Variants in KCNIP4 observed in about 807,000 individuals in gnomAD.
KCNIP4 encodes potassium voltage-gated channel interacting protein 4.
KCNIP4 carries 12 observed loss-of-function variants against 34.0 expected under a neutral mutation model. That is an observed-to-expected ratio of 0.35 (90% CI 0.23 to 0.57). The LOEUF (loss-of-function observed/expected upper bound fraction) is 0.57, where lower values mean the gene tolerates loss of function less well. Among genes scored for constraint, KCNIP4 ranks in the 20% least tolerant of loss-of-function variants. The pLI is 0.83. For synonymous variants in KCNIP4, 124 were observed against 102.2 expected, an observed-to-expected ratio of 1.21 and a Z score of -1.29; for missense variants, 238 against 311.7, an observed-to-expected ratio of 0.76 and a Z score of 1.78.
At chr4:21,042,607 G>T (rs1742066204) in intron 1 of KCNIP4, among the ~76,000 whole-genome samples, 1 of 152,132 alleles carries the variant, frequency 6.6e-6, no homozygotes, top group Admixed American at 6.5e-5. Flanking sequence ...AATAAGTTCT[G>T]GTCGTCTATT....
intron 1 of KCNIP4, among the ~76,000 whole-genome samples, chr4:21,536,858 G>A (rs1737218681): frequency 6.6e-6 from 1 of 151,900 alleles, no homozygotes; most frequent in African/African-American, 2.4e-5. Flanking sequence ...AAAACGAACA[G>A]TGGATAATTA....
chr4:21,652,132 G>A (rs1201355264), intron 1 of KCNIP4, among the ~76,000 whole-genome samples: 1 of 152,038 alleles, frequency 6.6e-6, no homozygotes, highest in East Asian at 1.9e-4. Flanking sequence ...AATTTCTTAA[G>A]GTAAAAAAGT....
At chr4:21,265,651 G>A (rs1241270763) in intron 1 of KCNIP4, among the ~76,000 whole-genome samples, 1 of 152,114 alleles carries the variant, frequency 6.6e-6, no homozygotes, top group African/African-American at 2.4e-5. Flanking sequence ...TTTGAATAAA[G>A]TTATTGACCT....
intron 1 of KCNIP4, among the ~76,000 whole-genome samples, chr4:20,893,566 G>A (rs1382728693): frequency 6.6e-6 from 1 of 151,430 alleles, no homozygotes; most frequent in African/African-American, 2.4e-5. Context: ...GGGACTATGG[G>A]CACACACCAC....
chr4:21,495,624 C>T (rs1405952902), intron 1 of KCNIP4, among the ~76,000 whole-genome samples: 2 of 151,508 alleles, frequency 1.3e-5, no homozygotes, highest in Non-Finnish European at 2.9e-5. Context: ...GGTTCCTACA[C>T]AATTCAGAAC....
In KCNIP4 at chr4:21,908,297, G is replaced by T. The variant is rs554301856; in HGVS notation, c.61+40274C>A. 3.3e-5 allele frequency among the ~76,000 whole-genome samples: 5 copies of T among 151,784 alleles called. No homozygotes were observed. In the East Asian group the frequency reaches 9.7e-4, roughly 29 times the overall value. On this transcript the variant is annotated intron_variant, in intron 1 of 8. Transcript: ENST00000382152. ...TCCTGGCCTTCTTTCATTCCCTATT[G>T]CTCCAAGAGGCAACATTCTTGCCAC... is the stretch of plus-strand genomic sequence containing the variant.
chr4:21,525,516 G>A (rs1294880349), intron 1 of KCNIP4, among the ~76,000 whole-genome samples: 2 of 152,126 alleles, frequency 1.3e-5, no homozygotes, highest in Non-Finnish European at 2.9e-5. Flanking sequence ...AAAAATGACA[G>A]ATGCCTCACA....
At chr4:21,016,575 G>A (rs890237269) in intron 1 of KCNIP4, among the ~76,000 whole-genome samples, 4 of 152,140 alleles carry the variant, frequency 2.6e-5, no homozygotes, top group African/African-American at 7.2e-5. Flanking sequence ...GATTACAGGC[G>A]TGAGACACCT....
chr4:21,270,123 A>G (rs980721561), intron 1 of KCNIP4, among the ~76,000 whole-genome samples: 7 of 152,176 alleles, frequency 4.6e-5, no homozygotes, highest in South Asian at 2.1e-4. Context: ...GGAGTATCAT[A>G]GGCTCAAAGA....
intron 1 of KCNIP4, among the ~76,000 whole-genome samples, chr4:21,284,574 A>AG (rs1184711166): frequency 6.6e-6 from 1 of 152,170 alleles, no homozygotes; most frequent in Non-Finnish European, 1.5e-5. Context: ...AAGGTAAAAG[A>AG]GGGGAAGGGA....
intron 1 of KCNIP4, among the ~76,000 whole-genome samples, chr4:21,284,101 T>A (rs1230623401): frequency 6.6e-6 from 1 of 151,582 alleles, no homozygotes; most frequent in Admixed American, 6.6e-5. Context: ...TAGTCCCAGC[T>A]ACTTGGGAGG....
chr4:21,253,196 T>C (rs1283535977), intron 1 of KCNIP4, among the ~76,000 whole-genome samples: 1 of 152,180 alleles, frequency 6.6e-6, no homozygotes, highest in Non-Finnish European at 1.5e-5. Flanking sequence ...CCTGGACATA[T>C]GAATGCATAT....
chr4:20,915,732 TCTA>T (rs1357339013), intron 1 of KCNIP4, among the ~76,000 whole-genome samples: 4 of 152,148 alleles, frequency 2.6e-5, no homozygotes, highest in Admixed American at 6.6e-5. Context: ...TAGTATTTGA[TCTA>T]CTAGTCAGTG....
At chr4:21,025,556 T>TG (rs1560656533) in intron 1 of KCNIP4, among the ~76,000 whole-genome samples, 3 of 118,842 alleles carry the variant, frequency 2.5e-5, no homozygotes, top group East Asian at 4.6e-4. Flanking sequence ...TTTTTTTTTT[T>TG]TTTTTTTTTT....
At chr4:20,778,063 A>G (rs1402555425) in intron 3 of KCNIP4, among the ~76,000 whole-genome samples, 2 of 152,206 alleles carry the variant, frequency 1.3e-5, no homozygotes, top group Non-Finnish European at 2.9e-5. Context: ...CCAAGGAAGA[A>G]GAGGCATTCA....
intron 3 of KCNIP4, among the ~76,000 whole-genome samples, chr4:20,828,115 T>G (rs1717981951): frequency 6.6e-6 from 1 of 152,136 alleles, no homozygotes; most frequent in African/African-American, 2.4e-5. Flanking sequence ...CTTTGGAAAG[T>G]CCACAAATCT....
At chr4:21,889,230 A>T (rs568817200) in intron 1 of KCNIP4, among the ~76,000 whole-genome samples, 1 of 152,258 alleles carries the variant, frequency 6.6e-6, no homozygotes, top group East Asian at 1.9e-4. Flanking sequence ...TGTTTTATAT[A>T]CAAAAATTAT....
intron 1 of KCNIP4, among the ~76,000 whole-genome samples, chr4:21,079,339 T>C (rs1431391492): frequency 6.6e-6 from 1 of 152,146 alleles, no homozygotes; most frequent in Non-Finnish European, 1.5e-5. Context: ...TAAGTATCTG[T>C]GGAGATTATA....
chr4:21,404,715 C>T (rs1463727736), intron 1 of KCNIP4, among the ~76,000 whole-genome samples: 1 of 151,986 alleles, frequency 6.6e-6, no homozygotes, highest in African/African-American at 2.4e-5. Flanking sequence ...ATGTTATAAA[C>T]CAACCAATAA....
Sources: gnomAD v4.1 joint callset for allele counts (sites outside exome capture counted in the v4.1 genomes callset) on GRCh38, gnomAD v4.1.1 for gene constraint, MANE v1.5 for transcripts, NCBI Gene and HGNC (gene_info 2026-07-23, HGNC 2026-07-21) for gene names.